ZPBP: variants seen among roughly 807,000 people sequenced by gnomAD.
ZPBP encodes the protein zona pellucida binding protein.
ZPBP carries 26 observed loss-of-function variants against 44.8 expected under a neutral mutation model. That is an observed-to-expected ratio of 0.58 (90% CI 0.43 to 0.81). The LOEUF is 0.81. Ranked by LOEUF, ZPBP falls within the 30% of genes least tolerant of loss-of-function variation. ZPBP has a pLI of 0.00. For missense variants in ZPBP, 409 were observed against 434.0 expected, an observed-to-expected ratio of 0.94 and a Z score of 0.51; for synonymous variants, 174 against 153.2, an observed-to-expected ratio of 1.14 and a Z score of -1.00.
At chr7:49,896,937 G>A (rs575800063) in intron 2 of ZPBP, among the ~76,000 whole-genome samples, 4 of 137,590 alleles carry the variant, frequency 2.9e-5, no homozygotes, top group Admixed American at 8.1e-5. Flanking sequence ...CGCCCAGGCC[G>A]GACTGCAGAC....
intron 2 of ZPBP, among the ~76,000 whole-genome samples, chr7:49,866,554 G>A (rs1274969162): frequency 1.3e-5 from 2 of 152,020 alleles, no homozygotes; most frequent in Non-Finnish European, 2.9e-5. Context: ...AATCTTTCGA[G>A]TTCGGGCTTG....
At chr7:49,844,842 G>A in the ZPBP span, among the ~76,000 whole-genome samples, 6 of 151,972 alleles carry the variant, frequency 3.9e-5, no homozygotes, top group East Asian at 1.9e-4. Context: ...ACAGGTGCCC[G>A]CCACTACGTC....
chr7:49,944,143 C>A, intron 7 of ZPBP: 1 of 266,666 alleles, frequency 3.8e-6, no homozygotes, highest in South Asian at 4.3e-5. Context: ...TAACTGTATC[C>A]ACTTCCTCTT....
intron 2 of ZPBP, among the ~76,000 whole-genome samples, chr7:49,853,224 C>T (rs1278302130): frequency 6.6e-6 from 1 of 152,340 alleles, no homozygotes; most frequent in Admixed American, 6.5e-5. Flanking sequence ...CTCTTGCTGC[C>T]GTGTGGAGTG....
chr7:49,884,491 A>T (rs1251018257), intron 2 of ZPBP, among the ~76,000 whole-genome samples: 1 of 152,176 alleles, frequency 6.6e-6, no homozygotes, highest in Non-Finnish European at 1.5e-5. Flanking sequence ...ATCCTGATGG[A>T]TGAGGGGTGT....
intron 4 of ZPBP, among the ~76,000 whole-genome samples, chr7:50,053,504 T>C (rs1456291366): frequency 6.6e-6 from 1 of 152,220 alleles, no homozygotes; most frequent in Non-Finnish European, 1.5e-5. Flanking sequence ...TAATTTTCTG[T>C]GTGAAAATGG....
chr7:49,981,685 TA>T (rs1311166255), intron 7 of ZPBP, among the ~76,000 whole-genome samples: 16 of 41,820 alleles, frequency 3.8e-4, no homozygotes, highest in East Asian at 1.4e-3. Flanking sequence ...TTATATATAA[TA>T]ATATATATAA....
intron 3 of ZPBP, among the ~76,000 whole-genome samples, chr7:50,059,562 T>C (rs1801142332): frequency 6.6e-6 from 1 of 152,156 alleles, no homozygotes; most frequent in South Asian, 2.1e-4. Flanking sequence ...GTTAACAGTT[T>C]GCAAGAGTTC....
At chr7:50,007,972 C>T (rs561488532) in intron 6 of ZPBP, among the ~76,000 whole-genome samples, 1 of 151,848 alleles carries the variant, frequency 6.6e-6, no homozygotes, top group East Asian at 1.9e-4. Context: ...GACGAAGATG[C>T]CTGATTTTGC....
intron 1 of ZPBP, among the ~76,000 whole-genome samples, chr7:49,925,330 A>G (rs951453957): frequency 1.3e-5 from 2 of 152,168 alleles, no homozygotes; most frequent in Non-Finnish European, 2.9e-5. Flanking sequence ...CTAATTTGCT[A>G]CTGAGTGGAT....
intron 3 of ZPBP, among the ~76,000 whole-genome samples, chr7:50,076,943 C>G (rs1417734148): frequency 6.6e-6 from 1 of 151,846 alleles, no homozygotes; most frequent in Non-Finnish European, 1.5e-5. Context: ...ATAGCCAAAG[C>G]TATCCTGAGC....
intron 7 of ZPBP, among the ~76,000 whole-genome samples, chr7:49,965,196 G>GA (rs1438187154): frequency 6.6e-6 from 1 of 152,010 alleles, no homozygotes; most frequent in East Asian, 1.9e-4. Context: ...GAGTTGTGAA[G>GA]AAAACTACAC....
At chr7:49,879,836 C>A (rs984241239) in intron 2 of ZPBP, among the ~76,000 whole-genome samples, 12 of 151,978 alleles carry the variant, frequency 7.9e-5, no homozygotes, top group Non-Finnish European at 1.3e-4. Flanking sequence ...TTTCTCATTT[C>A]CCTTTTTATG....
intron 6 of ZPBP, among the ~76,000 whole-genome samples, chr7:49,995,356 A>G (rs1362465079): frequency 1.3e-5 from 2 of 152,168 alleles, no homozygotes; most frequent in African/African-American, 4.8e-5. Context: ...GGTGGGCCTT[A>G]TGGACAGGGA....
At chr7:49,973,677 AC>A (rs1796389311) in intron 7 of ZPBP, among the ~76,000 whole-genome samples, 1 of 152,110 alleles carries the variant, frequency 6.6e-6, no homozygotes, top group Non-Finnish European at 1.5e-5. Flanking sequence ...AGTGTAAAAA[AC>A]AAACAAGTAA....
chr7:50,063,145 A>G (rs1186308479), intron 3 of ZPBP, among the ~76,000 whole-genome samples: 1 of 152,224 alleles, frequency 6.6e-6, no homozygotes, highest in Non-Finnish European at 1.5e-5. Flanking sequence ...CTGCACAGCT[A>G]GAGACACAGG....
chr7:49,986,284 G>A (rs1223039117), intron 6 of ZPBP, among the ~76,000 whole-genome samples: 1 of 152,130 alleles, frequency 6.6e-6, no homozygotes, highest in Non-Finnish European at 1.5e-5. Flanking sequence ...GTCTAACCCA[G>A]CCTTTTCTAC....
chr7:49,964,583 A>C (rs1795987990), intron 7 of ZPBP, among the ~76,000 whole-genome samples: 1 of 152,106 alleles, frequency 6.6e-6, no homozygotes, highest in Non-Finnish European at 1.5e-5. Context: ...AAACTTAAGA[A>C]GCCCTAAAGA....
rs1034743166 is a variant in ZPBP, at chr7:50,085,398, A to G, written c.209-3499T>C. ...CCCTAAGGAACTAATTAAAATCAGTAGGAACAGTGAGCTTGTAGTATTTTA... is the reference window on the plus strand; with the variant it reads ...CCCTAAGGAACTAATTAAAATCAGTGGGAACAGTGAGCTTGTAGTATTTTA... On this transcript the variant is annotated intron_variant, in intron 2 of 7. Coordinates refer to ENST00000046087, the MANE Select transcript of ZPBP (RefSeq NM_007009.3). Among the ~76,000 whole-genome samples, 3 of 152,118 alleles carry G rather than the reference A, an allele frequency of 2.0e-5. No homozygotes were observed. In the East Asian group the frequency reaches 5.8e-4, roughly 29 times the overall value.
Sources: gnomAD v4.1 joint callset for allele counts (sites outside exome capture counted in the v4.1 genomes callset) on GRCh38, gnomAD v4.1.1 for gene constraint, MANE v1.5 for transcripts, NCBI Gene and HGNC (gene_info 2026-07-23, HGNC 2026-07-21) for gene names.